The following PPP1R3B variants were observed in gnomAD, a reference collection of about 807,000 sequenced individuals.
PPP1R3B encodes protein phosphatase 1 regulatory subunit 3B, also known as PP1 subunit R4.
PPP1R3B carries 8 observed loss-of-function variants against 14.6 expected under a neutral mutation model. The ratio of observed to expected loss-of-function variants is 0.55; its 90% CI spans 0.32 to 0.99. The LOEUF (loss-of-function observed/expected upper bound fraction) is 0.99. PPP1R3B is among the 50% of genes least tolerant of loss of function. The pLI, the probability that PPP1R3B is intolerant of heterozygous loss-of-function variation, is 0.04. For synonymous variants in PPP1R3B, 169 were observed against 142.0 expected (o/e 1.19, Z -1.35); for missense variants, 452 against 360.1 (o/e 1.26, Z -2.07).
At chr8:9,148,714 C>T (rs569958295) in intron 1 of PPP1R3B, among the ~76,000 whole-genome samples, 1 of 151,634 alleles carries the variant, frequency 6.6e-6, no homozygotes, top group South Asian at 2.1e-4. Flanking sequence ...CAAGGTTAGA[C>T]GGCCATGGTG....
At chr8:9,145,157 T>G (rs1420255478) in intron 1 of PPP1R3B, 1 of 152,034 alleles carries the variant, frequency 6.6e-6, no homozygotes, top group African/African-American at 2.4e-5. Context: ...TGTATATATA[T>G]ATAGAGAGAG....
intron 1 of PPP1R3B, among the ~76,000 whole-genome samples, chr8:9,144,282 G>T (rs928925518): frequency 1.3e-5 from 2 of 151,422 alleles, no homozygotes; most frequent in African/African-American, 4.9e-5. Flanking sequence ...CCACCTCCTG[G>T]GCTCAAGCGG....
rs149481316 is a variant in PPP1R3B at position 9,141,376 on chromosome 8, G to A, written c.276C>T (p.Ile92=). 5.9e-5 allele frequency: 96 copies of A among 1,614,124 alleles called. No individual in the cohort carries two copies. In the African/African-American group the frequency reaches 1.2e-3, roughly 20 times the overall value. Residue 92 remains isoleucine, a synonymous_variant, in exon 2 of 2, where the codon ATC becomes ATT. Transcript: ENST00000310455. ...FDDPLDMPFN[I]TELLDNIVSL... Reference sequence around the variant, plus strand: ...TCACAATGTTGTCTAGGAGCTCGGTGATGTTGAATGGCATATCTAGCGGGT... The same window carrying A: ...TCACAATGTTGTCTAGGAGCTCGGTAATGTTGAATGGCATATCTAGCGGGT...
In PPP1R3B at chr8:9,150,593, G is replaced by C. The variant is rs1385897728; in HGVS notation, c.-48C>G. 1.3e-5 allele frequency: 2 copies of C among 152,726 alleles called. No homozygotes were observed. The highest frequency in any genetic ancestry group is 2.9e-5 in the Non-Finnish European group (2 of 68,440). 9.5% of individuals were successfully genotyped at this position (152,726 alleles called of 1,614,324 possible). A position where few individuals can be genotyped will look rare whatever the true frequency, so the allele number is the denominator to read the frequency against. On this transcript the variant is annotated 5_prime_UTR_variant, in exon 1 of 2. Transcript: ENST00000310455. Reference sequence around the variant, plus strand: ...GGGCCGCGGAGAAGCCCCCTCCCCAGCTCGCTCGCCGCATCGGAGAGCCCG... The same window carrying C: ...GGGCCGCGGAGAAGCCCCCTCCCCACCTCGCTCGCCGCATCGGAGAGCCCG...
At chr8:9,149,045 T>G (rs62494419) in intron 1 of PPP1R3B, among the ~76,000 whole-genome samples, 3 of 135,038 alleles carry the variant, frequency 2.2e-5, no homozygotes, top group African/African-American at 8.4e-5. Flanking sequence ...AAAAAAAAAT[T>G]AGCCGGGCGT....
intron 1 of PPP1R3B, among the ~76,000 whole-genome samples, chr8:9,147,134 A>G (rs1801264674): frequency 6.6e-6 from 1 of 151,440 alleles, no homozygotes; most frequent in African/African-American, 2.4e-5. Flanking sequence ...TCGTGCCACC[A>G]CCCCTGGGAT....
chr8:9,144,536 T>A (rs998345209), intron 1 of PPP1R3B, among the ~76,000 whole-genome samples: 5 of 152,176 alleles, frequency 3.3e-5, no homozygotes, highest in Non-Finnish European at 7.3e-5. Context: ...ACAAACTTTC[T>A]AATTTTTTAA....
At chr8:9,148,091 G>A (rs1269480243) in intron 1 of PPP1R3B, among the ~76,000 whole-genome samples, 1 of 152,222 alleles carries the variant, frequency 6.6e-6, no homozygotes, top group African/African-American at 2.4e-5. Context: ...ACACCAAAGT[G>A]CTGGTTTGGT....
In PPP1R3B at chr8:9,138,839, T is replaced by C. The variant is rs1800977622; in HGVS notation, c.*1955A>G. 6.6e-6 allele frequency: 1 copy of C among 152,172 alleles called. No individual in the cohort carries two copies. Among genetic ancestry groups the C allele is most frequent in the Admixed American group, 6.5e-5 (1 of 15,276 alleles). 9.4% of individuals were successfully genotyped at this position (152,172 alleles called of 1,614,324 possible). On this transcript the variant is annotated 3_prime_UTR_variant, in exon 2 of 2. Transcript: ENST00000310455. The stretch of plus-strand genomic sequence containing the variant: ...TCCTACAAGTATACTTGTAAAAATA[T>C]ATTTTTAAAGCACCCCTAAGTAAAC...
intron 1 of PPP1R3B, among the ~76,000 whole-genome samples, chr8:9,148,392 A>C (rs1801305580): frequency 6.6e-6 from 1 of 152,154 alleles, no homozygotes; most frequent in Non-Finnish European, 1.5e-5. Flanking sequence ...CAAGGGGGAA[A>C]AAAAAAGAAC....
intron 1 of PPP1R3B, among the ~76,000 whole-genome samples, chr8:9,143,376 T>C (rs1234343053): frequency 1.3e-5 from 2 of 152,170 alleles, no homozygotes; most frequent in African/African-American, 4.8e-5. Flanking sequence ...AAGTTTATGG[T>C]AGGTTTTTAA....
Position 9,140,453 on chromosome 8 carries a change from G to C in PPP1R3B, c.*341C>G, listed in dbSNP as rs566057024. ...TTGGCGACTGATGTCCCACATCTGA[G>C]TGGAGAGCAGAGGAGAGACTCCTCC... is the stretch of plus-strand genomic sequence containing the variant. On this transcript the variant is annotated 3_prime_UTR_variant, in exon 2 of 2. Coordinates refer to ENST00000310455, the MANE Select transcript of PPP1R3B (RefSeq NM_024607.4). 12 of 297,470 alleles carry C rather than the reference G, an allele frequency of 4.0e-5. No homozygotes were observed. In the Admixed American group the frequency reaches 4.9e-4, roughly 12 times the overall value. The allele number at this position is 297,470 out of a possible 1,614,324, so 18.4% of individuals were successfully genotyped here.
At chr8:9,146,292 T>TCC (rs1801238235) in intron 1 of PPP1R3B, among the ~76,000 whole-genome samples, 1 of 152,102 alleles carries the variant, frequency 6.6e-6, no homozygotes, top group Non-Finnish European at 1.5e-5. Flanking sequence ...CAAACCTATC[T>TCC]CCCCTCAACC....
At position 9,140,746 on chromosome 8, in the gene PPP1R3B, G is replaced by A. The variant is rs768341745; in HGVS notation, c.*48C>T. On this transcript the variant is annotated 3_prime_UTR_variant, in exon 2 of 2. Coordinates refer to ENST00000310455, the MANE Select transcript of PPP1R3B (RefSeq NM_024607.4). ...CCATCTCCACTGCACAGTGAGCAGA[G>A]CTAGGCTTGTCTGTGGCAGCTCCGC... 6.3e-7 allele frequency: 1 copy of A among 1,596,740 alleles called. No individual in the cohort carries two copies. The highest frequency in any genetic ancestry group is 8.5e-7 in the Non-Finnish European group (1 of 1,170,750).
intron 1 of PPP1R3B, among the ~76,000 whole-genome samples, chr8:9,144,349 G>A (rs1801170769): frequency 6.6e-6 from 1 of 151,010 alleles, no homozygotes; most frequent in Non-Finnish European, 1.5e-5. Flanking sequence ...CACCATGTCC[G>A]GCTAATTTTT....
intron 1 of PPP1R3B, among the ~76,000 whole-genome samples, chr8:9,146,472 T>G (rs1801243775): frequency 6.6e-6 from 1 of 152,116 alleles, no homozygotes; most frequent in African/African-American, 2.4e-5. Context: ...CATTTTCACC[T>G]TCTGATTGTG....
upstream of PPP1R3B, chr8:9,151,338 G>A (rs1015051194): frequency 1.3e-5 from 2 of 153,792 alleles, no homozygotes; most frequent in African/African-American, 4.8e-5. Flanking sequence ...GACTTGGGGA[G>A]CTACGTACCG....
chr8:9,141,322 A>G lies in PPP1R3B; in HGVS notation c.330T>C (p.Phe110=). The G allele has an allele frequency of 6.2e-7, 1 of 1,614,214 alleles. No homozygotes were observed. The highest frequency in any genetic ancestry group is 8.5e-7 in the Non-Finnish European group (1 of 1,180,038). Residue 110 remains phenylalanine (F), a synonymous_variant, in exon 2 of 2, where the codon TTT becomes TTC. Transcript: ENST00000310455. Reference sequence around the variant, plus strand: ...CAGAGGGCTGGGAAAAATCCAGAACAAAGCTCTCGCTCTCTGCTGTCGTCA... The same window carrying G: ...CAGAGGGCTGGGAAAAATCCAGAACGAAGCTCTCGCTCTCTGCTGTCGTCA... ...VSLTTAESES[F]VLDFSQPSAD...
At position 9,141,309 on chromosome 8, in the gene PPP1R3B, A is replaced by G; in HGVS notation, c.343T>C (p.Ser115Pro). 1.2e-6 allele frequency: 2 copies of G among 1,614,142 alleles called. No individual in the cohort carries two copies. Among genetic ancestry groups the G allele is most frequent in the Middle Eastern group, 3.3e-4 (2 of 6,060 alleles). Residue 115 changes from serine (S) to proline (P), a missense_variant, in exon 2 of 2, where the codon TCC (serine) becomes CCC (proline). Coordinates refer to ENST00000310455, the MANE Select transcript of PPP1R3B (RefSeq NM_024607.4). ...TCTAAGTAATCTGCAGAGGGCTGGG[A>G]AAAATCCAGAACAAAGCTCTCGCTC... is the stretch of plus-strand genomic sequence containing the variant. Reference protein sequence around the residue: ...AESESFVLDFSQPSADYLDFR... With the variant: ...AESESFVLDFPQPSADYLDFR...
Sources: allele counts gnomAD v4.1 joint callset (sites outside exome capture counted in the v4.1 genomes callset), GRCh38; gene constraint gnomAD v4.1.1; transcripts MANE v1.5; gene names NCBI Gene and HGNC (gene_info 2026-07-23, HGNC 2026-07-21).